Variants in TM4SF20 observed in about 807,000 individuals in gnomAD.
The protein encoded by TM4SF20 is transmembrane 4 L six family member 20, also known as transmembrane 4 L6 family member 20.
A neutral mutation model predicts 15.1 loss-of-function variants in TM4SF20; 13 were observed. The observed-to-expected ratio is 0.86, with a 90% CI of 0.56 to 1.36. The LOEUF is 1.36. Among genes scored for constraint, TM4SF20 ranks in the 40% most tolerant of loss-of-function variants. TM4SF20 has a pLI of 0.00. For missense variants in TM4SF20, 282 were observed against 268.4 expected (o/e 1.05, Z -0.35); for synonymous variants, 92 against 96.6 (o/e 0.95, Z 0.28).
Position 227,363,632 on chromosome 2 carries a change from A to G in TM4SF20, c.*92T>C. On this transcript the variant is annotated 3_prime_UTR_variant, in exon 4 of 4. Coordinates refer to ENST00000304568, the MANE Select transcript of TM4SF20 (RefSeq NM_024795.4). ...AACGTGCTTTCTACGTGAAGGGTTG[A>G]TTTTTTAAATCATCTCAAAGATGAC... 1 of 1,375,642 alleles carries G rather than the reference A, an allele frequency of 7.3e-7. No individual in the cohort carries two copies. Among genetic ancestry groups the G allele is most frequent in the Admixed American group, 2.2e-5 (1 of 45,010 alleles). The allele number at this position is 1,375,642 out of a possible 1,614,324, so 85.2% of individuals were successfully genotyped here. A position where few individuals can be genotyped will look rare whatever the true frequency, so the allele number is the denominator to read the frequency against.
At chr2:227,370,834 C>T (rs2076417229) in intron 2 of TM4SF20, 81 bp downstream of exon 2, 27 of 1,124,198 alleles carry the variant, frequency 2.4e-5, no homozygotes, top group East Asian at 7.1e-5. Context: ...TCGGTAGATG[C>T]GAGTGACTCA....
intron 1 of TM4SF20, 82 bp from the exon 2 acceptor site, chr2:227,371,062 C>T (rs1467346147): frequency 7.4e-6 from 9 of 1,217,504 alleles, no homozygotes; most frequent in Non-Finnish European, 1.1e-5. Flanking sequence ...TTCCGTTTAC[C>T]ACCAGTTGTG....
chr2:227,381,164 CT>C (rs2076478245), upstream of TM4SF20, among the ~76,000 whole-genome samples: 1 of 152,010 alleles, frequency 6.6e-6, no homozygotes, highest in Non-Finnish European at 1.5e-5. Flanking sequence ...GTAATCCCAG[CT>C]ACTCAGGAGA....
chr2:227,362,756 A>T lies in TM4SF20; in HGVS notation c.*968T>A, dbSNP rs2076368234. 2 of 152,234 alleles carry T rather than the reference A, an allele frequency of 1.3e-5. No individual in the cohort carries two copies. Among genetic ancestry groups the T allele is most frequent in the South Asian group, 4.1e-4 (2 of 4,832 alleles). 9.4% of individuals were successfully genotyped at this position (152,234 alleles called of 1,614,324 possible). On this transcript the variant is annotated 3_prime_UTR_variant, in exon 4 of 4. Coordinates refer to ENST00000304568, the MANE Select transcript of TM4SF20 (RefSeq NM_024795.4). ...AGGCAAAATTCCAAAATCCAAAAAAATGTGAAAGCCAAAACACTTCTGATC... is the reference window on the plus strand; with the variant it reads ...AGGCAAAATTCCAAAATCCAAAAAATTGTGAAAGCCAAAACACTTCTGATC...
rs2076373810 is a variant in TM4SF20, at chr2:227,363,546, A to G, written c.*178T>C. ...ATTTGAATAGTACAACACAAAACTA[A>G]TTGAAAATTCTCTCCACCTTTCCCA... On this transcript the variant is annotated 3_prime_UTR_variant, in exon 4 of 4. Transcript: ENST00000304568. The G allele has an allele frequency of 3.1e-6, 2 of 651,172 alleles. No individual in the cohort carries two copies. Among genetic ancestry groups the G allele is most frequent in the Non-Finnish European group, 5.1e-6 (2 of 389,524 alleles). The allele number at this position is 651,172 out of a possible 1,614,324, so 40.3% of individuals were successfully genotyped here.
chr2:227,365,044 G>A (rs1444614045), intron 3 of TM4SF20, among the ~76,000 whole-genome samples: 2 of 152,170 alleles, frequency 1.3e-5, no homozygotes, highest in Non-Finnish European at 2.9e-5. Context: ...CTGAGTAGCT[G>A]GGACTAGAGG....
chr2:227,363,778 G>A lies in TM4SF20; in HGVS notation c.636C>T (p.Ile212=), dbSNP rs151133854. The change falls in exon 4 of 4, where the codon ATC becomes ATT. Residue 212 remains isoleucine, a synonymous_variant. Coordinates refer to ENST00000304568, the MANE Select transcript of TM4SF20 (RefSeq NM_024795.4). ...CTCCACACAGACAGCCAAGGAAACC[G>A]ATGACTATCTGACTGAGCCCAAACA... ...EVLFGLSQIV[I]GFLGCLCGVS... 1.9e-3 allele frequency: 3,069 copies of A among 1,614,082 alleles called. 48 individuals carry two copies. Among genetic ancestry groups the A allele is most frequent in the East Asian group, 0.015 (695 of 44,876 alleles).
At chr2:227,374,849 G>A (rs1185592256) in intron 1 of TM4SF20, among the ~76,000 whole-genome samples, 19 of 151,558 alleles carry the variant, frequency 1.3e-4, no homozygotes, top group Admixed American at 1.2e-3. Flanking sequence ...CTGGCACTTC[G>A]GGAGGCCAAG....
In TM4SF20 at chr2:227,362,417, G is replaced by A. The variant is rs772516758; in HGVS notation, c.*1307C>T. The A allele has an allele frequency of 6.6e-6, 1 of 152,054 alleles. No individual in the cohort carries two copies. The highest frequency in any genetic ancestry group is 1.5e-5 in the Non-Finnish European group (1 of 68,000). 9.4% of individuals were successfully genotyped at this position (152,054 alleles called of 1,614,324 possible). A position where few individuals can be genotyped will look rare whatever the true frequency, so the allele number is the denominator to read the frequency against. Reference sequence around the variant, plus strand: ...AAGTAATTTTAAAACATATAAATATGCATTTCTTTTTTTAAAAATGAGGAC... The same window carrying A: ...AAGTAATTTTAAAACATATAAATATACATTTCTTTTTTTAAAAATGAGGAC... On this transcript the variant is annotated 3_prime_UTR_variant, in exon 4 of 4. Coordinates refer to ENST00000304568, the MANE Select transcript of TM4SF20 (RefSeq NM_024795.4).
chr2:227,375,635 G>T (rs1009878237), intron 1 of TM4SF20, among the ~76,000 whole-genome samples: 1 of 145,918 alleles, frequency 6.9e-6, no homozygotes, highest in African/African-American at 2.6e-5. Context: ...GACAACAGGA[G>T]CCCACCACCA....
chr2:227,364,158 G>A, intron 3 of TM4SF20, 146 bp from the exon 4 acceptor site: 3 of 795,140 alleles, frequency 3.8e-6, no homozygotes, highest in Non-Finnish European at 5.8e-6. Context: ...TTCTGAGCAT[G>A]TGTCCATATA....
At chr2:227,378,026 T>A (rs1485632276) in intron 1 of TM4SF20, among the ~76,000 whole-genome samples, 2 of 151,928 alleles carry the variant, frequency 1.3e-5, no homozygotes, top group African/African-American at 4.8e-5. Context: ...TTTTATTATC[T>A]CTAAAACACT....
At chr2:227,365,955 G>A (rs541893608) in intron 3 of TM4SF20, 138 bp downstream of exon 3, 8 of 777,928 alleles carry the variant, frequency 1.0e-5, no homozygotes, top group Middle Eastern at 7.1e-4. Flanking sequence ...TGGCGTTAAT[G>A]TACTAAAATT....
In TM4SF20 at chr2:227,366,145, T is replaced by TA. The variant is rs775042455; in HGVS notation, c.348dup (p.Asn117Ter). 7 of 1,614,028 alleles carry TA rather than the reference T, an allele frequency of 4.3e-6. No individual in the cohort carries two copies. Among genetic ancestry groups the TA allele is most frequent in the South Asian group, 1.1e-5 (1 of 91,044 alleles). The stretch of plus-strand genomic sequence containing the variant: ...TTGGCATTACTGTTGCTTGGAGAAT[T>TA]ACACATGAGAGGACCTTTTAAGAGA... On this transcript the variant is annotated frameshift_variant, in exon 3 of 4. Transcript: ENST00000304568. LOFTEE classifies it high-confidence loss of function.
chr2:227,368,335 T>TATATATATATATATATATA lies in TM4SF20; in HGVS notation c.250-2092_250-2091insTATATATATATATATATAT, dbSNP rs1553786651. On this transcript the variant is annotated intron_variant, in intron 2 of 3. Transcript: ENST00000304568. ...ACCACGCCTGGCCGCCATCTATTAT[T>TATATATATATATATATATA]TATATATATATATATATATAATTTT... Among the ~76,000 whole-genome samples the TATATATATATATATATATA allele has an allele frequency of 5.4e-3, 659 of 122,558 alleles. 19 individuals are homozygous for TATATATATATATATATATA. The highest frequency in any genetic ancestry group is 8.7e-3 in the East Asian group (38 of 4,358). The allele number at this position is 122,558 out of a possible 152,430, so 80.4% of individuals were successfully genotyped here.
intron 2 of TM4SF20, 89 bp from the exon 3 acceptor site, chr2:227,366,333 T>C: frequency 8.5e-7 from 1 of 1,172,500 alleles, no homozygotes; most frequent in Non-Finnish European, 1.2e-6. Flanking sequence ...CTTTTTTAAA[T>C]CCAGTCGCCC....
chr2:227,380,718 A>G (rs10201602), upstream of TM4SF20, among the ~76,000 whole-genome samples: 36,714 of 150,984 alleles, frequency 0.24, 4,385 homozygotes, highest in Middle Eastern at 0.37. Context: ...AGCCCAGAGC[A>G]TAGATTCAGT....
intron 1 of TM4SF20, among the ~76,000 whole-genome samples, chr2:227,371,843 G>A (rs2076422728): frequency 6.6e-6 from 1 of 152,130 alleles, no homozygotes; most frequent in African/African-American, 2.4e-5. Context: ...CTATATCCAT[G>A]ATATGTAATG....
Position 227,363,652 on chromosome 2 carries a change from G to A in TM4SF20, c.*72C>T. 1 of 1,464,594 alleles carries A rather than the reference G, an allele frequency of 6.8e-7. No individual in the cohort carries two copies. The highest frequency in any genetic ancestry group is 1.3e-5 in the South Asian group (1 of 74,650). The allele number at this position is 1,464,594 out of a possible 1,614,324, so 90.7% of individuals were successfully genotyped here. A position where few individuals can be genotyped will look rare whatever the true frequency, so the allele number is the denominator to read the frequency against. The stretch of plus-strand genomic sequence containing the variant: ...GGTTGATTTTTTAAATCATCTCAAA[G>A]ATGACTTTGAAAACAAGTGTACTTC... On this transcript the variant is annotated 3_prime_UTR_variant, in exon 4 of 4. Coordinates refer to ENST00000304568, the MANE Select transcript of TM4SF20 (RefSeq NM_024795.4).
Sources: allele counts gnomAD v4.1 joint callset (sites outside exome capture counted in the v4.1 genomes callset), GRCh38; gene constraint gnomAD v4.1.1; transcripts MANE v1.5; gene names NCBI Gene and HGNC (gene_info 2026-07-23, HGNC 2026-07-21).